The following LHPP variants were observed in gnomAD, a reference collection of about 807,000 sequenced individuals.
The protein encoded by LHPP is hLHPP.
LHPP carries 24 observed loss-of-function variants against 30.3 expected under a neutral mutation model. That is an observed-to-expected ratio of 0.79 (90% CI 0.57 to 1.11). LHPP has a LOEUF of 1.11. LHPP is among the 50% of genes most tolerant of loss of function. The pLI is 0.00. For missense variants in LHPP, 356 were observed against 367.2 expected, an observed-to-expected ratio of 0.97 and a Z score of 0.25; for synonymous variants, 150 against 157.1, an observed-to-expected ratio of 0.95 and a Z score of 0.34.
intron 6 of LHPP, among the ~76,000 whole-genome samples, chr10:124,561,325 G>T (rs182819741): frequency 6.6e-6 from 1 of 152,290 alleles, no homozygotes; most frequent in Non-Finnish European, 1.5e-5. Context: ...CTACCACTGG[G>T]GGTGTCAGAG....
intron 6 of LHPP, among the ~76,000 whole-genome samples, chr10:124,555,797 A>G (rs1253507966): frequency 6.6e-6 from 1 of 152,236 alleles, no homozygotes; most frequent in Admixed American, 6.5e-5. Context: ...TATTGATAAT[A>G]AAACCACTGA....
intron 6 of LHPP, among the ~76,000 whole-genome samples, chr10:124,565,847 C>T (rs1299879693): frequency 1.3e-5 from 2 of 152,182 alleles, no homozygotes; most frequent in Admixed American, 1.3e-4. Flanking sequence ...AGCCCGGCGT[C>T]GGGTTACAGC....
intron 6 of LHPP, among the ~76,000 whole-genome samples, chr10:124,550,975 G>A (rs927967333): frequency 1.3e-5 from 2 of 152,166 alleles, no homozygotes; most frequent in South Asian, 2.1e-4. Context: ...GCAGAGGCCC[G>A]GCCCAGCCCT....
intron 2 of LHPP, among the ~76,000 whole-genome samples, chr10:124,487,442 C>CTT (rs140426240): frequency 1.1e-3 from 117 of 107,776 alleles, no homozygotes; most frequent in African/African-American, 4.2e-3. Context: ...TTCTTTCTTT[C>CTT]TTTTTTTTTT....
intron 6 of LHPP, among the ~76,000 whole-genome samples, chr10:124,545,696 G>A (rs991264792): frequency 3.3e-5 from 5 of 152,200 alleles, no homozygotes; most frequent in East Asian, 1.9e-4. Context: ...GTGTGTGCAC[G>A]CTTGCAGGAT....
At chr10:124,554,090 G>T (rs1948243213) in intron 6 of LHPP, 1 of 985,152 alleles carries the variant, frequency 1.0e-6, no homozygotes. Context: ...GGGCTGCCTG[G>T]ATTCAGCTCC....
In LHPP at chr10:124,590,820, C is replaced by G. The variant is rs1434665942; in HGVS notation, c.717-22444C>G. Among the ~76,000 whole-genome samples the G allele has an allele frequency of 6.6e-6, 1 of 152,226 alleles. No homozygotes were observed. The highest frequency in any genetic ancestry group is 1.5e-5 in the Non-Finnish European group (1 of 68,044). ...ACAAAGACTAGATAATTAGAGTGCA[C>G]ACTTGGAGGGACAGGATGGCTTCGT... On this transcript the variant is annotated intron_variant, in intron 6 of 6. Coordinates refer to ENST00000368842, the MANE Select transcript of LHPP (RefSeq NM_022126.4). The surrounding 1 kb of genome is among the most constrained non-coding windows in gnomAD (Gnocchi z 4.3).
chr10:124,535,098 T>C (rs1211259329), intron 6 of LHPP, among the ~76,000 whole-genome samples: 1 of 152,218 alleles, frequency 6.6e-6, no homozygotes, highest in East Asian at 1.9e-4. Flanking sequence ...CCACTGTGTG[T>C]GGCGATAGCA....
intron 1 of LHPP, among the ~76,000 whole-genome samples, chr10:124,477,066 G>A (rs1211593092): frequency 3.3e-5 from 5 of 152,196 alleles, no homozygotes; most frequent in Admixed American, 3.3e-4. Context: ...AGCTGTGCAT[G>A]GTGGCACGCG....
intron 6 of LHPP, among the ~76,000 whole-genome samples, chr10:124,588,294 T>C (rs1245186236): frequency 7.3e-6 from 1 of 136,136 alleles, no homozygotes; most frequent in East Asian, 2.1e-4. Context: ...TACTTTTTTC[T>C]CTTCTTTTTT....
chr10:124,461,861 C>A lies in LHPP; in HGVS notation c.-2C>A. ...CGGAGCTGAGGAGCAGGGCCGGGCG[C>A]CATGGCACCGTGGGGCAAGCGGCTG... is the stretch of plus-strand genomic sequence containing the variant. On this transcript the variant is annotated 5_prime_UTR_variant, in exon 1 of 7. Coordinates refer to ENST00000368842, the MANE Select transcript of LHPP (RefSeq NM_022126.4). 1 of 1,249,430 alleles carries A rather than the reference C, an allele frequency of 8.0e-7. No homozygotes were observed. 77.4% of individuals were successfully genotyped at this position (1,249,430 alleles called of 1,614,324 possible).
At chr10:124,589,230 C>T (rs1318467780) in intron 6 of LHPP, among the ~76,000 whole-genome samples, 1 of 152,260 alleles carries the variant, frequency 6.6e-6, no homozygotes, top group African/African-American at 2.4e-5. Context: ...GAGCTTATAG[C>T]ACCTCCTTGG....
chr10:124,580,916 G>A lies in LHPP; in HGVS notation c.717-32348G>A, dbSNP rs551824025. Among the ~76,000 whole-genome samples the A allele has an allele frequency of 6.6e-5, 10 of 152,028 alleles. No homozygotes were observed. The East Asian group carries it at 7.7e-4, about 12-fold the overall frequency. ...GTATTTTTAGTAGAGACGGGGTTTC[G>A]CCATGTTGGCCAGGCTGGTTTTGAA... On this transcript the variant is annotated intron_variant, in intron 6 of 6. Transcript: ENST00000368842.
rs1474197277 is a variant in LHPP, at chr10:124,500,402, G to C, written c.624+2274G>C. On this transcript the variant is annotated intron_variant, in intron 5 of 6. Transcript: ENST00000368842. ...CAGGAGAATTGCTTGAGCCCAGGAG[G>C]TGGAGGTTGCAGTGAGCCGAAATTG... Among the ~76,000 whole-genome samples the C allele has an allele frequency of 6.6e-5, 10 of 151,994 alleles. No homozygotes were observed. The East Asian group carries it at 1.5e-3, about 23-fold the overall frequency.
In LHPP at chr10:124,479,068, CAAA is replaced by C. The variant is rs55880798; in HGVS notation, c.126-5056_126-5054del. ...TGGCTGACAGAGTGAGACTCTGTCT[CAAA>C]AAAAAAAAAAAAAAGATCCAGTTTG... is the stretch of plus-strand genomic sequence containing the variant. On this transcript the variant is annotated intron_variant, in intron 1 of 6. Transcript: ENST00000368842. Among the ~76,000 whole-genome samples, 288 of 135,200 alleles carry C rather than the reference CAAA, an allele frequency of 2.1e-3. 1 individual carries two copies. The highest frequency in any genetic ancestry group is 4.9e-3 in the African/African-American group (173 of 35,074). The allele number at this position is 135,200 out of a possible 152,430, so 88.7% of individuals were successfully genotyped here.
chr10:124,533,310 C>T (rs1954941954), intron 6 of LHPP, among the ~76,000 whole-genome samples: 3 of 152,214 alleles, frequency 2.0e-5, no homozygotes, highest in Non-Finnish European at 2.9e-5. Context: ...GCAAAATGCA[C>T]CCCCCAGAGC....
At chr10:124,551,362 A>G (rs1948161445) in intron 6 of LHPP, among the ~76,000 whole-genome samples, 1 of 152,052 alleles carries the variant, frequency 6.6e-6, no homozygotes, top group Non-Finnish European at 1.5e-5. Context: ...TGGTGACACC[A>G]TCAGCAAGTT....
At chr10:124,580,458 A>G (rs766439949) in intron 6 of LHPP, among the ~76,000 whole-genome samples, 1 of 152,064 alleles carries the variant, frequency 6.6e-6, no homozygotes, top group Non-Finnish European at 1.5e-5. Flanking sequence ...TGAGGTAGGG[A>G]TTTGATTTTA....
intron 1 of LHPP, 32 bp downstream of exon 1, chr10:124,462,019 C>T (rs2133799703): frequency 8.3e-7 from 1 of 1,200,326 alleles, no homozygotes; most frequent in East Asian, 3.5e-5. Context: ...GCTGGGGCCG[C>T]CGAGCTCTAA....
Sources: gnomAD v4.1 joint callset for allele counts (sites outside exome capture counted in the v4.1 genomes callset) on GRCh38, gnomAD v4.1.1 for gene constraint, Gnocchi (gnomAD v3.1) non-coding constraint, MANE v1.5 for transcripts, NCBI Gene and HGNC (gene_info 2026-07-23, HGNC 2026-07-21) for gene names.